IFT57: variants seen among roughly 807,000 people sequenced by gnomAD.
IFT57 encodes intraflagellar transport protein 57 homolog.
In IFT57, 59 loss-of-function variants were observed where a neutral mutation model predicts 56.8. The observed-to-expected ratio is 1.04, with a 90% CI of 0.84 to 1.29. The LOEUF is 1.29. IFT57 is among the 50% of genes most tolerant of loss of function. The probability of loss-of-function intolerance (pLI) is 0.00; values close to 1 mark genes in which losing one functional copy is unlikely to be tolerated. For missense variants in IFT57, 470 were observed against 522.1 expected (o/e 0.90, Z 0.97); for synonymous variants, 209 against 186.1 (o/e 1.12, Z -1.00).
chr3:108,196,880 C>A (rs2080247376), intron 5 of IFT57, among the ~76,000 whole-genome samples: 1 of 152,164 alleles, frequency 6.6e-6, no homozygotes, highest in Non-Finnish European at 1.5e-5. Flanking sequence ...TAACTTGATA[C>A]ATTAACTGAG....
At chr3:108,186,839 GTGATGCT>G (rs1358687801) in intron 6 of IFT57, among the ~76,000 whole-genome samples, 43 of 152,000 alleles carry the variant, frequency 2.8e-4, no homozygotes, top group African/African-American at 1.0e-3. Flanking sequence ...GAAGACCTTT[GTGATGCT>G]CCACTTCCAC....
intron 6 of IFT57, among the ~76,000 whole-genome samples, chr3:108,176,141 C>T (rs1006089246): frequency 4.0e-5 from 6 of 151,788 alleles, no homozygotes; most frequent in Admixed American, 6.6e-5. Context: ...TTATAATTAC[C>T]GGTGAAACCT....
chr3:108,187,911 T>C (rs2080193466), intron 6 of IFT57, among the ~76,000 whole-genome samples: 1 of 151,910 alleles, frequency 6.6e-6, no homozygotes, highest in South Asian at 2.1e-4. Flanking sequence ...GAAAGGTTAT[T>C]ATTTTGGCCA....
Position 108,218,636 on chromosome 3 carries a change from A to G in IFT57, c.393T>C (p.Phe131=). The G allele has an allele frequency of 6.6e-7, 1 of 1,516,784 alleles. No homozygotes were observed. Among genetic ancestry groups the G allele is most frequent in the Non-Finnish European group, 8.9e-7 (1 of 1,127,210 alleles). 94.0% of individuals were successfully genotyped at this position (1,516,784 alleles called of 1,614,324 possible). A position where few individuals can be genotyped will look rare whatever the true frequency, so the allele number is the denominator to read the frequency against. The part of the protein sequence containing the change: ...ELRSFGRTAD[F]PPSKLKSGYG... ...AACCTGACTTTAATTTTGAAGGAGG[A>G]AAATCTGCAGTTCTTCCCTGAAAAA... is the stretch of plus-strand genomic sequence containing the variant. The change falls in exon 3 of 11, where the codon TTT becomes TTC. Residue 131 remains phenylalanine (F), a synonymous_variant. Transcript: ENST00000264538.
intron 4 of IFT57, among the ~76,000 whole-genome samples, chr3:108,212,372 C>T (rs576970486): frequency 2.0e-5 from 3 of 152,242 alleles, no homozygotes; most frequent in Middle Eastern, 3.4e-3. Flanking sequence ...GCATGCCCAC[C>T]CAACAATTTT....
chr3:108,165,835 A>G (rs2108307453), intron 8 of IFT57, among the ~76,000 whole-genome samples: 1 of 152,202 alleles, frequency 6.6e-6, no homozygotes, highest in South Asian at 2.1e-4. Flanking sequence ...CTCCGCAGAG[A>G]AAGTCCGTTC....
At chr3:108,205,464 C>T (rs747837471) in intron 5 of IFT57, among the ~76,000 whole-genome samples, 63 of 151,668 alleles carry the variant, frequency 4.2e-4, no homozygotes, top group Non-Finnish European at 6.0e-4. Flanking sequence ...CACATATATG[C>T]ATCATTAATA....
rs1257322649 is a variant in IFT57, at chr3:108,167,851, T to C, written c.791A>G (p.His264Arg). The C allele has an allele frequency of 6.9e-6, 11 of 1,593,696 alleles. No individual in the cohort carries two copies. The highest frequency in any genetic ancestry group is 9.4e-6 in the Non-Finnish European group (11 of 1,170,418). Residue 264 changes from histidine to arginine, a missense_variant, in exon 7 of 11, where the codon CAT (histidine) becomes CGT (arginine). By Grantham distance (29) the His-to-Arg change is conservative (BLOSUM62 0). Coordinates refer to ENST00000264538, the MANE Select transcript of IFT57 (RefSeq NM_018010.4). ...IRTDNKDWRIHVDQMHQHRSG... is the reference protein window; with the variant it reads ...IRTDNKDWRIRVDQMHQHRSG... ...TCTGTGCTGGTGCATTTGGTCAACATGGATTCTCCAATCCTACAGGCATAG... is the reference window on the plus strand; with the variant it reads ...TCTGTGCTGGTGCATTTGGTCAACACGGATTCTCCAATCCTACAGGCATAG...
chr3:108,199,667 T>A (rs1449248659), intron 5 of IFT57, among the ~76,000 whole-genome samples: 1 of 152,230 alleles, frequency 6.6e-6, no homozygotes, highest in African/African-American at 2.4e-5. Flanking sequence ...AACAACTATT[T>A]ACTTAGTGCC....
Position 108,162,497 on chromosome 3 carries a change from GT to G in IFT57, c.1269del (p.Glu423AspfsTer16). ...ATGTTTTAATAAAAGCCTGTTGCTG[GT>G]TCTGGAATAACTGTGGCATGCATGT... is the stretch of plus-strand genomic sequence containing the variant. The part of the protein sequence containing the change: ...TRNMHATVIP[E>X]PATGFY On this transcript the variant is annotated frameshift_variant, in exon 11 of 11. Coordinates refer to ENST00000264538, the MANE Select transcript of IFT57 (RefSeq NM_018010.4). LOFTEE classifies it high-confidence loss of function. 1 of 1,603,922 alleles carries G rather than the reference GT, an allele frequency of 6.2e-7. No homozygotes were observed. Among genetic ancestry groups the G allele is most frequent in the Non-Finnish European group, 8.5e-7 (1 of 1,174,778 alleles).
chr3:108,201,907 C>T (rs1193932165), intron 5 of IFT57, among the ~76,000 whole-genome samples: 1 of 152,150 alleles, frequency 6.6e-6, no homozygotes, highest in Non-Finnish European at 1.5e-5. Context: ...ATTTTTACTT[C>T]CTTTCAGCAT....
intron 5 of IFT57, among the ~76,000 whole-genome samples, chr3:108,206,331 T>C (rs2080314053): frequency 6.6e-6 from 1 of 151,614 alleles, no homozygotes; most frequent in Admixed American, 6.6e-5. Context: ...TAACTTGAAA[T>C]AGAATATTTG....
intron 5 of IFT57, among the ~76,000 whole-genome samples, chr3:108,197,405 T>G (rs1410774236): frequency 6.6e-6 from 1 of 152,158 alleles, no homozygotes; most frequent in Non-Finnish European, 1.5e-5. Flanking sequence ...TGATCCTAAC[T>G]GCCAAAGGAA....
intron 6 of IFT57, among the ~76,000 whole-genome samples, chr3:108,177,368 G>C (rs2080129882): frequency 6.6e-6 from 1 of 151,624 alleles, no homozygotes; most frequent in Admixed American, 6.6e-5. Context: ...TATGAGACCT[G>C]CATAACATTA....
At chr3:108,174,022 G>A (rs2080110606) in intron 6 of IFT57, among the ~76,000 whole-genome samples, 2 of 150,470 alleles carry the variant, frequency 1.3e-5, no homozygotes, top group Non-Finnish European at 1.5e-5. Flanking sequence ...GTGTGTGTGT[G>A]TGTGTGTGTG....
At chr3:108,178,941 C>T (rs1264442434) in intron 6 of IFT57, among the ~76,000 whole-genome samples, 3 of 151,654 alleles carry the variant, frequency 2.0e-5, no homozygotes, top group African/African-American at 7.3e-5. Context: ...CATAATGCTG[C>T]TATGAAAATT....
rs2108307332 is a variant in IFT57, at chr3:108,165,472, C to T, written c.1003G>A (p.Gly335Arg). The change falls in exon 9 of 11, where the codon GGA (glycine) becomes AGA (arginine). Residue 335 changes from glycine to arginine, a missense_variant. Transcript: ENST00000264538. ...LSEAKERYQQ[G>R]NGGVTERTRL... ...GTTCTTTCCGTCACTCCTCCATTTC[C>T]CTGCTGGTATCGCTCCTTTGCCTGA... 2 of 1,612,696 alleles carry T rather than the reference C, an allele frequency of 1.2e-6. No homozygotes were observed. Among genetic ancestry groups the T allele is most frequent in the Middle Eastern group, 1.7e-4 (1 of 6,054 alleles).
intron 6 of IFT57, among the ~76,000 whole-genome samples, chr3:108,178,541 T>C (rs2080135846): frequency 6.6e-6 from 1 of 151,980 alleles, no homozygotes; most frequent in Non-Finnish European, 1.5e-5. Context: ...ATATCCTGAA[T>C]ATATAAAGAA....
chr3:108,165,162 GT>G lies in IFT57; in HGVS notation c.1044+268del, dbSNP rs1009982858. Among the ~76,000 whole-genome samples the G allele has an allele frequency of 7.4e-3, 938 of 126,148 alleles. 5 individuals are homozygous for G. The highest frequency in any genetic ancestry group is 0.025 in the African/African-American group (879 of 35,802). 82.8% of individuals were successfully genotyped at this position (126,148 alleles called of 152,430 possible). A position where few individuals can be genotyped will look rare whatever the true frequency, so the allele number is the denominator to read the frequency against. ...TCCCCATGTTAATAATAATTATTAT[GT>G]AAAAAATGTTGAGGAAAATTATAAG... On this transcript the variant is annotated intron_variant, in intron 9 of 10. Transcript: ENST00000264538.
Sources: allele counts gnomAD v4.1 joint callset (sites outside exome capture counted in the v4.1 genomes callset), GRCh38; gene constraint gnomAD v4.1.1; transcripts MANE v1.5; gene names NCBI Gene and HGNC (gene_info 2026-07-23, HGNC 2026-07-21).